TRIM22: variants seen among roughly 807,000 people sequenced by gnomAD.
TRIM22 encodes the protein E3 ubiquitin-protein ligase TRIM22.
Under a neutral mutation model 53.6 loss-of-function variants are expected in TRIM22, and 45 were observed. The ratio of observed to expected loss-of-function variants is 0.84; its 90% CI spans 0.66 to 1.08. TRIM22 has a LOEUF of 1.08. TRIM22 is among the 50% of genes least tolerant of loss of function. The probability of loss-of-function intolerance (pLI) is 0.00; values close to 1 mark genes in which losing one functional copy is unlikely to be tolerated. For synonymous variants in TRIM22, 225 were observed against 216.6 expected (o/e 1.04, Z -0.34); for missense variants, 616 against 590.9 (o/e 1.04, Z -0.44).
At position 5,708,928 on chromosome 11, in the gene TRIM22, C is replaced by A. The variant is rs908920005; in HGVS notation, c.902-125C>A. The A allele has an allele frequency of 1.0e-5, 8 of 777,980 alleles. No homozygotes were observed. In the South Asian group the frequency reaches 1.1e-4, roughly 11 times the overall value. The allele number at this position is 777,980 out of a possible 1,614,324, so 48.2% of individuals were successfully genotyped here. ...TGTATTTCTTAAGGGTCCTACTAAC[C>A]TCTGACTATCAACACAAGTTCCGTT... On this transcript the variant is annotated intron_variant, in intron 7 of 7. Transcript: ENST00000379965.
At chr11:5,698,235 C>A in intron 3 of TRIM22, 80 bp from the exon 4 acceptor site, 1 of 1,168,808 alleles carries the variant, frequency 8.6e-7, no homozygotes, top group Non-Finnish European at 1.3e-6. Flanking sequence ...GAAAACTGTT[C>A]TTATCCTGTC....
chr11:5,691,932 C>A (rs1387103547), intron 1 of TRIM22, among the ~76,000 whole-genome samples: 1 of 151,838 alleles, frequency 6.6e-6, no homozygotes, highest in Non-Finnish European at 1.5e-5. Context: ...TAGTACAGGA[C>A]CCAATAAATA....
At chr11:5,708,044 C>T in intron 5 of TRIM22, 129 bp from the exon 6 acceptor site, 1 of 685,412 alleles carries the variant, frequency 1.5e-6, no homozygotes. Flanking sequence ...AGGCATCTCC[C>T]CTCTACTGTC....
chr11:5,697,170 C>T lies in TRIM22; in HGVS notation c.424-78C>T, dbSNP rs1439814882. On this transcript the variant is annotated intron_variant, in intron 2 of 7. Coordinates refer to ENST00000379965, the MANE Select transcript of TRIM22 (RefSeq NM_006074.5). ...AAACTAGTTTCTTCTGAGAGCCATC[C>T]AATTTCTTCCTTGCTGTCCTCTATT... is the stretch of plus-strand genomic sequence containing the variant. The T allele has an allele frequency of 9.0e-6, 10 of 1,105,868 alleles. No homozygotes were observed. In the East Asian group the frequency reaches 2.0e-4, roughly 22 times the overall value. 68.5% of individuals were successfully genotyped at this position (1,105,868 alleles called of 1,614,324 possible). A position where few individuals can be genotyped will look rare whatever the true frequency, so the allele number is the denominator to read the frequency against.
chr11:5,706,519 C>CT, intron 4 of TRIM22, 75 bp from the exon 5 acceptor site: 2 of 1,432,816 alleles, frequency 1.4e-6, no homozygotes, highest in Non-Finnish European at 9.7e-7. Flanking sequence ...ATCCCAAATT[C>CT]TAATTGAACT....
At position 5,709,119 on chromosome 11, in the gene TRIM22, T is replaced by A. The variant is rs905883489; in HGVS notation, c.968T>A (p.Val323Glu). 6 of 1,614,094 alleles carry A rather than the reference T, an allele frequency of 3.7e-6. No homozygotes were observed. Among genetic ancestry groups the A allele is most frequent in the Non-Finnish European group, 5.1e-6 (6 of 1,180,046 alleles). ...GCTATTTCTGTGGATCAGAGACAAG[T>A]GAAAACTGTACGCACCTGCACATTT... ...NVAISVDQRQ[V>E]KTVRTCTFKN... The change falls in exon 8 of 8, where the codon GTG (valine) becomes GAG (glutamate). Residue 323 changes from valine to glutamate, a missense_variant. By Grantham distance (121) the Val-to-Glu change is moderately radical (BLOSUM62 -2). Transcript: ENST00000379965.
chr11:5,698,457 A>T lies in TRIM22; in HGVS notation c.662A>T (p.Asp221Val). Reference sequence around the variant, plus strand: ...CTGGATAACCTGGCAGCAGCTACAGACCAGCTGGTCCAGCAGAGGCAGGAT... The same window carrying T: ...CTGGATAACCTGGCAGCAGCTACAGTCCAGCTGGTCCAGCAGAGGCAGGAT... ...NVLDNLAAAT[D>V]QLVQQRQDAS... The change falls in exon 4 of 8, where the codon GAC becomes GTC. Residue 221 changes from aspartate to valine, a missense_variant. Transcript: ENST00000379965. 1 of 1,614,134 alleles carries T rather than the reference A, an allele frequency of 6.2e-7. No homozygotes were observed. The highest frequency in any genetic ancestry group is 8.5e-7 in the Non-Finnish European group (1 of 1,179,998).
At chr11:5,699,159 G>A (rs1002691725) in intron 4 of TRIM22, among the ~76,000 whole-genome samples, 2 of 152,204 alleles carry the variant, frequency 1.3e-5, no homozygotes, top group Non-Finnish European at 2.9e-5. Context: ...TATGAATAAT[G>A]CTACAGTAAA....
At chr11:5,702,576 C>T (rs1415497108) in intron 4 of TRIM22, among the ~76,000 whole-genome samples, 1 of 151,794 alleles carries the variant, frequency 6.6e-6, no homozygotes, top group Non-Finnish European at 1.5e-5. Flanking sequence ...TACCCCTTCA[C>T]ATGTAGTGCA....
At chr11:5,705,569 GGTCAA>G (rs1453716573) in intron 4 of TRIM22, among the ~76,000 whole-genome samples, 1 of 151,860 alleles carries the variant, frequency 6.6e-6, no homozygotes, top group African/African-American at 2.4e-5. Context: ...GTCAACTGGA[GGTCAA>G]GTCTTTGTTG....
chr11:5,704,742 C>A (rs1853432115), intron 4 of TRIM22, among the ~76,000 whole-genome samples: 1 of 152,072 alleles, frequency 6.6e-6, no homozygotes. Context: ...TTCCCCTTTT[C>A]TTCTAGGAGT....
intron 4 of TRIM22, among the ~76,000 whole-genome samples, chr11:5,701,594 C>T (rs1229066871): frequency 2.0e-5 from 3 of 152,134 alleles, no homozygotes; most frequent in Admixed American, 1.3e-4. Context: ...GTGTGCTGTT[C>T]AGGTACAACT....
chr11:5,709,128 T>C lies in TRIM22; in HGVS notation c.977T>C (p.Val326Ala). Reference sequence around the variant, plus strand: ...GTGGATCAGAGACAAGTGAAAACTGTACGCACCTGCACATTTAAGAATTCA... The same window carrying C: ...GTGGATCAGAGACAAGTGAAAACTGCACGCACCTGCACATTTAAGAATTCA... ...ISVDQRQVKT[V>A]RTCTFKNSNP... Residue 326 changes from valine (V) to alanine (A), a missense_variant, in exon 8 of 8, where the codon GTA becomes GCA. Coordinates refer to ENST00000379965, the MANE Select transcript of TRIM22 (RefSeq NM_006074.5). 2.5e-6 allele frequency: 4 copies of C among 1,614,226 alleles called. No homozygotes were observed. Among genetic ancestry groups the C allele is most frequent in the Non-Finnish European group, 3.4e-6 (4 of 1,180,044 alleles).
At chr11:5,706,645 T>C (rs1853461045) in intron 5 of TRIM22, 29 bp downstream of exon 5, 1 of 1,593,698 alleles carries the variant, frequency 6.3e-7, no homozygotes, top group Admixed American at 1.7e-5. Context: ...TGTGGTCTTA[T>C]TTGTCTGAAA....
chr11:5,701,269 G>A (rs28645397), intron 4 of TRIM22, among the ~76,000 whole-genome samples: 12,600 of 152,162 alleles, frequency 0.083, 535 homozygotes, highest in African/African-American at 0.1. Context: ...CAAATTTGGG[G>A]AGAATTTTAA....
intron 4 of TRIM22, 145 bp from the exon 5 acceptor site, chr11:5,706,449 T>C (rs1853457361): frequency 2.0e-6 from 1 of 499,432 alleles, no homozygotes; most frequent in Non-Finnish European, 3.3e-6. Context: ...GTAATATTTT[T>C]AGTATAAGAA....
chr11:5,702,163 A>G (rs1386810871), intron 4 of TRIM22, among the ~76,000 whole-genome samples: 2 of 145,802 alleles, frequency 1.4e-5, no homozygotes, highest in Non-Finnish European at 3.0e-5. Context: ...TATTAGTTAT[A>G]TATTACATAT....
rs777333755 is a variant in TRIM22 at position 5,709,665 on chromosome 11, A to C, written c.*17A>C. ...AGCTCCTGAGTGTTCTCATTCCTTT[A>C]CCCACTTCTGCATAGTAGCCCTTGT... On this transcript the variant is annotated 3_prime_UTR_variant, in exon 8 of 8. Transcript: ENST00000379965. 1 of 1,590,728 alleles carries C rather than the reference A, an allele frequency of 6.3e-7. No homozygotes were observed. Among genetic ancestry groups the C allele is most frequent in the Non-Finnish European group, 8.5e-7 (1 of 1,171,754 alleles).
chr11:5,708,090 G>A, intron 5 of TRIM22, 83 bp from the exon 6 acceptor site: 2 of 1,129,404 alleles, frequency 1.8e-6, no homozygotes, highest in Non-Finnish European at 2.7e-6. Flanking sequence ...CAGCAAGTAT[G>A]GTGAAAGGTG....
Sources: gnomAD v4.1 joint callset for allele counts (sites outside exome capture counted in the v4.1 genomes callset) on GRCh38, gnomAD v4.1.1 for gene constraint, MANE v1.5 for transcripts, NCBI Gene and HGNC (gene_info 2026-07-23, HGNC 2026-07-21) for gene names.